Variants in RNF19A observed in about 807,000 individuals in gnomAD.
RNF19A encodes the protein E3 ubiquitin-protein ligase RNF19A.
A neutral mutation model predicts 75.7 loss-of-function variants in RNF19A; 32 were observed. That is an observed-to-expected ratio of 0.42 (90% CI 0.32 to 0.57). RNF19A has a LOEUF of 0.57. Among genes scored for constraint, RNF19A ranks in the 20% least tolerant of loss-of-function variants. The pLI is 0.10. For synonymous variants in RNF19A, 335 were observed against 345.2 expected, an observed-to-expected ratio of 0.97 and a Z score of 0.33; for missense variants, 782 against 1,036.3, an observed-to-expected ratio of 0.75 and a Z score of 3.37.
upstream of RNF19A, chr8:100,309,989 C>T (rs1176417186): frequency 1.0e-6 from 1 of 985,562 alleles, no homozygotes; most frequent in African/African-American, 1.7e-5. Context: ...AGGCGCCTCT[C>T]AACCGGGGCG....
chr8:100,279,298 G>A (rs532758568), intron 2 of RNF19A, among the ~76,000 whole-genome samples: 3 of 152,222 alleles, frequency 2.0e-5, no homozygotes, highest in Admixed American at 1.3e-4. Context: ...CAAACTAATA[G>A]CTGGTAGTGT....
chr8:100,309,641 T>C (rs1206337180), intron 1 of RNF19A: 4 of 923,834 alleles, frequency 4.3e-6, no homozygotes, highest in Non-Finnish European at 5.2e-6. Flanking sequence ...CTGGGCCGGG[T>C]AGGGGACCCG....
chr8:100,270,487 T>A (rs1444511064), intron 3 of RNF19A, among the ~76,000 whole-genome samples: 2 of 152,128 alleles, frequency 1.3e-5, no homozygotes, highest in African/African-American at 2.4e-5. Flanking sequence ...TCTGAGGTGC[T>A]ATATCCAAAG....
In RNF19A at chr8:100,260,974, G is replaced by GTACT. The variant is rs1236533199; in HGVS notation, c.1682+564_1682+567dup. On this transcript the variant is annotated intron_variant, in intron 8 of 9. Transcript: ENST00000341084. The surrounding 1 kb of genome is among the most constrained non-coding windows in gnomAD (Gnocchi z 4.1). Reference sequence around the variant, plus strand: ...CCACAGAGGTAAGATCTAGGCTTAAGTACTGCCTTTGCTTCAATGTCTACT... The same window carrying GTACT: ...CCACAGAGGTAAGATCTAGGCTTAAGTACTTACTGCCTTTGCTTCAATGTCTACT... Among the ~76,000 whole-genome samples, 1 of 152,184 alleles carries GTACT rather than the reference G, an allele frequency of 6.6e-6. No individual in the cohort carries two copies. Among genetic ancestry groups the GTACT allele is most frequent in the East Asian group, 1.9e-4 (1 of 5,200 alleles).
In RNF19A at chr8:100,302,894, G is replaced by A. The variant is rs148975194; in HGVS notation, c.-94+6973C>T. On this transcript the variant is annotated intron_variant, in intron 1 of 9. Transcript: ENST00000341084. Reference sequence around the variant, plus strand: ...TTAGGAGAAGAAAGAAACGATACAAGCAAAATAACAAAATGTATCTTATAA... The same window carrying A: ...TTAGGAGAAGAAAGAAACGATACAAACAAAATAACAAAATGTATCTTATAA... Among the ~76,000 whole-genome samples, 35 of 152,258 alleles carry A rather than the reference G, an allele frequency of 2.3e-4. No individual in the cohort carries two copies. In the East Asian group the frequency reaches 6.0e-3, roughly 26 times the overall value.
Position 100,287,691 on chromosome 8 carries a change from A to G in RNF19A, c.484T>C (p.Tyr162His). 1 of 1,613,962 alleles carries G rather than the reference A, an allele frequency of 6.2e-7. No individual in the cohort carries two copies. Among genetic ancestry groups the G allele is most frequent in the Non-Finnish European group, 8.5e-7 (1 of 1,179,926 alleles). Residue 162 changes from tyrosine (Y) to histidine (H), a missense_variant, in exon 2 of 10, where the codon TAT becomes CAT. Tyr to His is a moderately conservative substitution (Grantham distance 83). Around this residue, in one of 7 missense-constraint regions of RNF19A, gnomAD observed 85 missense variants for 177.7 expected, o/e 0.48. Coordinates refer to ENST00000341084, the MANE Select transcript of RNF19A (RefSeq NM_183419.4). The surrounding 1 kb of genome is among the most constrained non-coding windows in gnomAD (Gnocchi z 4.1). ...CTTTCAGAGATTTCTATCCTTAAAT[A>G]TTGTCGTAAGCAATCCACACAAGAT... is the stretch of plus-strand genomic sequence containing the variant. ...HRSCVDCLRQ[Y>H]LRIEISESRV... is the part of the protein sequence containing the mutation.
In RNF19A at chr8:100,277,797, T is replaced by A. The variant is rs537425327; in HGVS notation, c.675-2636A>T. On this transcript the variant is annotated intron_variant, in intron 2 of 9. Coordinates refer to ENST00000341084, the MANE Select transcript of RNF19A (RefSeq NM_183419.4). ...TAAAGAAAAAAGACCCTATTTTTTT[T>A]AATCAAAGTTTTAATCTAAAGTATC... Among the ~76,000 whole-genome samples the A allele has an allele frequency of 1.7e-3, 254 of 151,186 alleles. No individual in the cohort carries two copies. The South Asian group carries it at 0.018, about 11-fold the overall frequency.
In RNF19A at chr8:100,274,938, A is replaced by G. The variant is rs779014533; in HGVS notation, c.883+15T>C. On this transcript the variant is annotated intron_variant, in intron 3 of 9. Transcript: ENST00000341084. ...TGTGTCAAATATTTTATTAGAAAAA[A>G]TTAGACATAAATACCTGCTGCTCCA... is the stretch of plus-strand genomic sequence containing the variant. 1.2e-5 allele frequency: 19 copies of G among 1,578,830 alleles called. No homozygotes were observed. In the Admixed American group the frequency reaches 1.5e-4, roughly 12 times the overall value.
At chr8:100,311,785 G>A (rs1822302488), upstream of RNF19A, among the ~76,000 whole-genome samples, 1 of 151,836 alleles carries the variant, frequency 6.6e-6, no homozygotes, top group South Asian at 2.1e-4. Flanking sequence ...CAGCACAGAT[G>A]GGGCACTGGC....
chr8:100,328,929 C>T (rs993881979), intron 1 of RNF19A, among the ~76,000 whole-genome samples: 2 of 152,124 alleles, frequency 1.3e-5, no homozygotes, highest in African/African-American at 4.8e-5. Flanking sequence ...AGCTAGAGCA[C>T]GAAGGGCTTC....
intron 1 of RNF19A, among the ~76,000 whole-genome samples, chr8:100,295,246 A>G (rs961687095): frequency 6.6e-6 from 1 of 152,260 alleles, no homozygotes; most frequent in Non-Finnish European, 1.5e-5. Context: ...TGGTAGTCCC[A>G]TAACTGAAAC....
chr8:100,303,821 C>T (rs898315123), intron 1 of RNF19A, among the ~76,000 whole-genome samples: 4 of 151,412 alleles, frequency 2.6e-5, no homozygotes, highest in African/African-American at 9.7e-5. Flanking sequence ...GCCTGTAATC[C>T]CAGCTACTGG....
At chr8:100,334,165 C>T (rs1339244344) in intron 1 of RNF19A, among the ~76,000 whole-genome samples, 1 of 152,218 alleles carries the variant, frequency 6.6e-6, no homozygotes, top group Non-Finnish European at 1.5e-5. Context: ...TGACTTTCAC[C>T]TTGCCCTTTG....
intron 1 of RNF19A, among the ~76,000 whole-genome samples, chr8:100,328,921 C>T (rs1457470146): frequency 6.6e-6 from 1 of 152,174 alleles, no homozygotes; most frequent in East Asian, 1.9e-4. Flanking sequence ...GATGACACAG[C>T]TAGAGCACGA....
intron 3 of RNF19A, among the ~76,000 whole-genome samples, chr8:100,272,642 A>G (rs550875138): frequency 9.2e-5 from 14 of 152,016 alleles, no homozygotes; most frequent in African/African-American, 2.7e-4. Context: ...GGGTCAAGCA[A>G]TCCTCCACTT....
At chr8:100,272,803 G>T (rs995449289) in intron 3 of RNF19A, among the ~76,000 whole-genome samples, 1 of 152,074 alleles carries the variant, frequency 6.6e-6, no homozygotes, top group Non-Finnish European at 1.5e-5. Flanking sequence ...GGCCGCTTTG[G>T]CCTCCCAAAG....
rs1487115506 is a variant in RNF19A, at chr8:100,322,649, G to T, written c.-242-9277C>A. On this transcript the variant is annotated intron_variant, in intron 1 of 3. Transcript: ENST00000519527. This position sits in a 1 kb window ranked among gnomAD's most constrained non-coding sequence, Gnocchi z 5.1. ...TTCAGCCTATCTCAGCTTTTGGCCTGCCTTCCTCATTAAGCTTAATCATTT... is the reference window on the plus strand; with the variant it reads ...TTCAGCCTATCTCAGCTTTTGGCCTTCCTTCCTCATTAAGCTTAATCATTT... Among the ~76,000 whole-genome samples, 3 of 152,242 alleles carry T rather than the reference G, an allele frequency of 2.0e-5. No homozygotes were observed. Among genetic ancestry groups the T allele is most frequent in the African/African-American group, 7.2e-5 (3 of 41,454 alleles).
chr8:100,309,674 C>T (rs1185432769), intron 1 of RNF19A, 193 bp downstream of exon 1: 2 of 942,878 alleles, frequency 2.1e-6, no homozygotes, highest in African/African-American at 3.5e-5. Context: ...GCCTGACCCC[C>T]TAAGCCGGCC....
At chr8:100,294,720 A>G (rs1821473543) in intron 1 of RNF19A, among the ~76,000 whole-genome samples, 1 of 152,160 alleles carries the variant, frequency 6.6e-6, no homozygotes, top group South Asian at 2.1e-4. Flanking sequence ...TCCAAAGGAT[A>G]TCTTCATCTA....
Sources: gnomAD v4.1 joint callset for allele counts (sites outside exome capture counted in the v4.1 genomes callset) on GRCh38, gnomAD v4.1.1 for gene constraint, gnomAD v4.1.1 regional missense constraint, Gnocchi (gnomAD v3.1) non-coding constraint, MANE v1.5 for transcripts, NCBI Gene and HGNC (gene_info 2026-07-23, HGNC 2026-07-21) for gene names.